STXBP4: variants seen among roughly 807,000 people sequenced by gnomAD.
The protein encoded by STXBP4 is syntaxin-binding protein 4.
STXBP4 carries 55 observed loss-of-function variants against 76.1 expected under a neutral mutation model. The observed-to-expected ratio is 0.72, with a 90% CI of 0.58 to 0.91. STXBP4 has a LOEUF of 0.91. Among genes scored for constraint, STXBP4 ranks in the 40% least tolerant of loss-of-function variants. STXBP4 has a pLI of 0.00. For synonymous variants in STXBP4, 201 were observed against 220.2 expected (o/e 0.91, Z 0.77); for missense variants, 618 against 636.9 (o/e 0.97, Z 0.32).
At chr17:55,198,513 TA>T in the STXBP4 span, among the ~76,000 whole-genome samples, 1 of 152,184 alleles carries the variant, frequency 6.6e-6, no homozygotes, top group African/African-American at 2.4e-5. Flanking sequence ...GATTCTCAAC[TA>T]GGGGTGCACA....
the STXBP4 span, among the ~76,000 whole-genome samples, chr17:55,213,187 G>C: frequency 1.3e-5 from 2 of 152,122 alleles, no homozygotes; most frequent in Non-Finnish European, 2.9e-5. Flanking sequence ...CTGGGACCAG[G>C]TAAGAACCAG....
chr17:55,028,215 G>A (rs2078447896), intron 8 of STXBP4, among the ~76,000 whole-genome samples: 1 of 152,012 alleles, frequency 6.6e-6, no homozygotes, highest in African/African-American at 2.4e-5. Context: ...TTGGCATAAA[G>A]CAAAGAGCAC....
intron 12 of STXBP4, among the ~76,000 whole-genome samples, chr17:55,054,318 C>T (rs975923744): frequency 6.6e-6 from 1 of 152,236 alleles, no homozygotes; most frequent in East Asian, 1.9e-4. Context: ...GAAACCCCAT[C>T]TCTACTAAAA....
Position 55,078,002 on chromosome 17 carries a change from A to G in STXBP4, c.1189-76A>G, listed in dbSNP as rs2079206324. On this transcript the variant is annotated intron_variant, in intron 13 of 17. Coordinates refer to ENST00000376352, the MANE Select transcript of STXBP4 (RefSeq NM_178509.6). ...ATTTGGTAATATTGAATATTAGTTC[A>G]TAAAAACTGAAAATAGGGACCAGTA... 13 of 896,226 alleles carry G rather than the reference A, an allele frequency of 1.5e-5. No individual in the cohort carries two copies. The South Asian group carries it at 2.4e-4, about 16-fold the overall frequency. 55.5% of individuals were successfully genotyped at this position (896,226 alleles called of 1,614,324 possible).
chr17:55,116,823 C>T (rs548190616), intron 16 of STXBP4, among the ~76,000 whole-genome samples: 1 of 151,752 alleles, frequency 6.6e-6, no homozygotes, highest in African/African-American at 2.4e-5. Context: ...GATTTCAAAT[C>T]TCTGTAGTAT....
chr17:55,031,985 C>T (rs1401657164), intron 9 of STXBP4, among the ~76,000 whole-genome samples: 1 of 152,094 alleles, frequency 6.6e-6, no homozygotes, highest in African/African-American at 2.4e-5. Context: ...TTGATAGTTT[C>T]TCAGTAGCTG....
chr17:55,136,398 A>G (rs1471274451), intron 16 of STXBP4, among the ~76,000 whole-genome samples: 3 of 152,152 alleles, frequency 2.0e-5, no homozygotes, highest in African/African-American at 7.2e-5. Context: ...GTCAAACATA[A>G]TCATTATTAA....
chr17:54,997,248 G>A (rs546915029), intron 4 of STXBP4, among the ~76,000 whole-genome samples: 2 of 151,936 alleles, frequency 1.3e-5, no homozygotes, highest in South Asian at 2.1e-4. Flanking sequence ...TATTCTAGGA[G>A]GCAAAGAAAA....
chr17:55,181,930 A>G, the STXBP4 span, among the ~76,000 whole-genome samples: 1 of 152,312 alleles, frequency 6.6e-6, no homozygotes, highest in Non-Finnish European at 1.5e-5. Flanking sequence ...TAAAGGCTCA[A>G]CATCCTATGA....
intron 12 of STXBP4, among the ~76,000 whole-genome samples, chr17:55,052,336 A>C (rs1050962481): frequency 5.3e-5 from 8 of 152,332 alleles, no homozygotes; most frequent in African/African-American, 4.8e-5. Flanking sequence ...GAAGAACTTG[A>C]GTACCAAAAT....
chr17:55,030,261 A>T (rs2078482810), intron 8 of STXBP4, among the ~76,000 whole-genome samples: 1 of 152,180 alleles, frequency 6.6e-6, no homozygotes, highest in African/African-American at 2.4e-5. Flanking sequence ...GCGGTACCAC[A>T]TGAACCAAAA....
At position 55,127,955 on chromosome 17, in the gene STXBP4, G is replaced by C. The variant is rs573266506; in HGVS notation, c.1490-13355G>C. ...CAAGGTCGGAAACAGCAATGATCTT[G>C]ACTTCATTTCATCTAGTCTGTGACA... On this transcript the variant is annotated intron_variant, in intron 16 of 17. Transcript: ENST00000376352. Among the ~76,000 whole-genome samples, 223 of 141,264 alleles carry C rather than the reference G, an allele frequency of 1.6e-3. 7 individuals are homozygous for C. The South Asian group carries it at 0.051, about 33-fold the overall frequency. The allele number at this position is 141,264 out of a possible 152,430, so 92.7% of individuals were successfully genotyped here.
At chr17:55,209,419 T>TC in the STXBP4 span, among the ~76,000 whole-genome samples, 1 of 151,950 alleles carries the variant, frequency 6.6e-6, no homozygotes, top group African/African-American at 2.4e-5. Flanking sequence ...TCCAAACCTG[T>TC]CCCCTCAGCT....
chr17:54,978,674 C>T (rs1036758434), intron 1 of STXBP4, among the ~76,000 whole-genome samples: 30 of 152,026 alleles, frequency 2.0e-4, no homozygotes, highest in African/African-American at 7.0e-4. Context: ...AACATGGTAA[C>T]TTTTTTGATA....
At chr17:55,041,300 G>A (rs780361134) in intron 10 of STXBP4, among the ~76,000 whole-genome samples, 1 of 146,608 alleles carries the variant, frequency 6.8e-6, no homozygotes, top group Non-Finnish European at 1.5e-5. Context: ...GTGCAATCTC[G>A]GCTCACTGCA....
intron 8 of STXBP4, among the ~76,000 whole-genome samples, chr17:55,011,500 T>TTCTTTA (rs1443380122): frequency 8.6e-6 from 1 of 115,956 alleles, no homozygotes; most frequent in African/African-American, 3.5e-5. Context: ...AGAGTTTATT[T>TTCTTTA]TCTTTTTCTT....
chr17:55,142,712 G>GA (rs762129039), intron 17 of STXBP4, among the ~76,000 whole-genome samples: 29 of 152,092 alleles, frequency 1.9e-4, no homozygotes, highest in South Asian at 6.2e-4. Context: ...AAAATTTAAG[G>GA]AAAAACTAGA....
At chr17:55,018,251 A>G (rs2078243596) in intron 8 of STXBP4, among the ~76,000 whole-genome samples, 1 of 152,204 alleles carries the variant, frequency 6.6e-6, no homozygotes, top group Admixed American at 6.5e-5. Context: ...AACAATGGCA[A>G]GCCTTTAGCC....
chr17:55,111,469 G>A (rs1323876843), intron 16 of STXBP4, among the ~76,000 whole-genome samples: 1 of 152,112 alleles, frequency 6.6e-6, no homozygotes, highest in East Asian at 1.9e-4. Context: ...CCCCAATGTT[G>A]GAGGTGGGGC....
Sources: gnomAD v4.1 joint callset for allele counts (sites outside exome capture counted in the v4.1 genomes callset) on GRCh38, gnomAD v4.1.1 for gene constraint, MANE v1.5 for transcripts, NCBI Gene and HGNC (gene_info 2026-07-23, HGNC 2026-07-21) for gene names.